Variants in ZFHX3 observed in about 807,000 individuals in gnomAD.
ZFHX3 encodes the protein zinc finger homeobox protein 3.
Under a neutral mutation model 279.1 loss-of-function variants are expected in ZFHX3, and 42 were observed. That is an observed-to-expected ratio of 0.15 (90% CI 0.12 to 0.19). ZFHX3 has a LOEUF of 0.19. ZFHX3 is among the 10% of genes least tolerant of loss of function. The probability of loss-of-function intolerance (pLI) is 1.00; values close to 1 mark genes in which losing one functional copy is unlikely to be tolerated. For synonymous variants in ZFHX3, 2,293 were observed against 1,957.8 expected, an observed-to-expected ratio of 1.17 and a Z score of -4.52; for missense variants, 4,981 against 4,754.0, an observed-to-expected ratio of 1.05 and a Z score of -1.40.
chr16:73,514,704 C>G (rs1425258861), intron 2 of ZFHX3, among the ~76,000 whole-genome samples: 1 of 152,186 alleles, frequency 6.6e-6, no homozygotes, highest in Non-Finnish European at 1.5e-5. Flanking sequence ...TGACCAAGGT[C>G]TCCTTGATCT....
intron 1 of ZFHX3, among the ~76,000 whole-genome samples, chr16:72,981,699 A>G (rs911866643): frequency 3.3e-5 from 5 of 151,914 alleles, no homozygotes; most frequent in African/African-American, 1.2e-4. Flanking sequence ...AACATCCAGC[A>G]CACCCTCCAA....
chr16:73,123,493 C>T (rs772470665), intron 7 of ZFHX3: 1 of 150,356 alleles, frequency 6.7e-6, no homozygotes, highest in Non-Finnish European at 1.5e-5. Flanking sequence ...GTGATACCAT[C>T]TGGGACCACC....
At chr16:73,725,455 T>C (rs1392330380) in intron 1 of ZFHX3, among the ~76,000 whole-genome samples, 5 of 151,992 alleles carry the variant, frequency 3.3e-5, no homozygotes, top group Non-Finnish European at 5.9e-5. Flanking sequence ...TGGTCATCAC[T>C]GGGAGGGGCA....
intron 1 of ZFHX3, among the ~76,000 whole-genome samples, chr16:73,029,485 T>C (rs1181100509): frequency 1.3e-5 from 2 of 152,318 alleles, no homozygotes; most frequent in Non-Finnish European, 2.9e-5. Flanking sequence ...TAAAAACTTT[T>C]TGTGAGTGAT....
intron 7 of ZFHX3, among the ~76,000 whole-genome samples, chr16:73,121,400 T>C (rs1966497110): frequency 6.6e-6 from 1 of 152,190 alleles, no homozygotes; most frequent in African/African-American, 2.4e-5. Context: ...CCTGTTTGTT[T>C]TTACTTTTTA....
At chr16:73,669,428 A>C (rs1226912277) in intron 2 of ZFHX3, among the ~76,000 whole-genome samples, 2 of 152,196 alleles carry the variant, frequency 1.3e-5, no homozygotes, top group Non-Finnish European at 1.5e-5. Context: ...TCTCTAGATG[A>C]CCTTCTAAAG....
intron 2 of ZFHX3, among the ~76,000 whole-genome samples, chr16:73,495,407 T>C (rs1275334912): frequency 1.3e-5 from 2 of 152,198 alleles, no homozygotes; most frequent in Non-Finnish European, 2.9e-5. Context: ...AAGAAATTGG[T>C]GCACATGAAA....
chr16:73,049,349 A>T (rs1409096644), upstream of ZFHX3, among the ~76,000 whole-genome samples: 1 of 152,204 alleles, frequency 6.6e-6, no homozygotes. Flanking sequence ...TGAACCATGC[A>T]AGTGTTAGAA....
intron 1 of ZFHX3, among the ~76,000 whole-genome samples, chr16:73,028,279 C>T (rs1001389440): frequency 6.6e-6 from 1 of 152,162 alleles, no homozygotes; most frequent in Non-Finnish European, 1.5e-5. Context: ...TGTTTTTCCC[C>T]TTCCAAGGTC....
Position 72,950,887 on chromosome 16 carries a change from C to G in ZFHX3, c.2798G>C (p.Ser933Thr). ...CGACGGGTCGTTGGTCTGGATGAAG[C>G]TCTCGCCCAGGTTCATCAGCTCCTC... Reference protein sequence around the residue: ...VSEELMNLGESFIQTNDPSLK... With the variant: ...VSEELMNLGETFIQTNDPSLK... Residue 933 changes from serine (S) to threonine (T), a missense_variant, in exon 3 of 10, where the codon AGC becomes ACC. By Grantham distance (58) the Ser-to-Thr change is moderately conservative (BLOSUM62 1). Transcript: ENST00000268489. 1 of 1,614,022 alleles carries G rather than the reference C, an allele frequency of 6.2e-7. No homozygotes were observed. The highest frequency in any genetic ancestry group is 8.5e-7 in the Non-Finnish European group (1 of 1,180,028).
chr16:73,019,083 G>A (rs1028782740), intron 1 of ZFHX3, among the ~76,000 whole-genome samples: 5 of 152,128 alleles, frequency 3.3e-5, no homozygotes, highest in African/African-American at 7.2e-5. Context: ...CAAAACATCC[G>A]GCACCTTTTC....
intron 3 of ZFHX3, among the ~76,000 whole-genome samples, chr16:72,899,199 C>T (rs148475764): frequency 5.3e-5 from 8 of 152,332 alleles, no homozygotes; most frequent in South Asian, 2.1e-4. Context: ...TGTGTCCCCA[C>T]GCAAATCTCA....
At chr16:73,706,579 C>G (rs1459170444) in intron 1 of ZFHX3, among the ~76,000 whole-genome samples, 1 of 152,126 alleles carries the variant, frequency 6.6e-6, no homozygotes, top group Non-Finnish European at 1.5e-5. Context: ...ATTCAAGGCT[C>G]TCCGTGGTGT....
chr16:73,831,919 G>C (rs1352152890), intron 1 of ZFHX3, among the ~76,000 whole-genome samples: 1 of 152,098 alleles, frequency 6.6e-6, no homozygotes, highest in Non-Finnish European at 1.5e-5. Flanking sequence ...TTTTGTTTTT[G>C]AAATGGAGTC....
chr16:73,373,373 C>T (rs934510306), intron 3 of ZFHX3, among the ~76,000 whole-genome samples: 10 of 152,090 alleles, frequency 6.6e-5, no homozygotes, highest in African/African-American at 1.9e-4. Flanking sequence ...CTAGGAGCCA[C>T]GAGCATGCAG....
intron 2 of ZFHX3, among the ~76,000 whole-genome samples, chr16:73,548,365 C>T: frequency 6.6e-6 from 1 of 152,100 alleles, no homozygotes; most frequent in Middle Eastern, 3.2e-3. Flanking sequence ...CTTGCAACAG[C>T]TTTTCACTAA....
chr16:73,380,208 CACACA>C (rs1250178975), intron 3 of ZFHX3, among the ~76,000 whole-genome samples: 1 of 152,072 alleles, frequency 6.6e-6, no homozygotes, highest in Non-Finnish European at 1.5e-5. Context: ...CTCTATGCAC[CACACA>C]ACACAACAGT....
At chr16:73,494,258 G>T (rs1362702367) in intron 2 of ZFHX3, among the ~76,000 whole-genome samples, 2 of 152,202 alleles carry the variant, frequency 1.3e-5, no homozygotes, top group Non-Finnish European at 2.9e-5. Flanking sequence ...CGGTTTGCTA[G>T]CTGGTTTACG....
intron 1 of ZFHX3, among the ~76,000 whole-genome samples, chr16:73,742,248 C>G (rs1437273213): frequency 1.3e-5 from 2 of 152,162 alleles, no homozygotes; most frequent in Non-Finnish European, 2.9e-5. Flanking sequence ...ATGCCTTTGT[C>G]TAGTTCACCC....
Sources: allele counts gnomAD v4.1 joint callset (sites outside exome capture counted in the v4.1 genomes callset), GRCh38; gene constraint gnomAD v4.1.1; transcripts MANE v1.5; gene names NCBI Gene and HGNC (gene_info 2026-07-23, HGNC 2026-07-21).